Variants in DNAI2 observed in about 807,000 individuals in gnomAD.
The protein encoded by DNAI2 is dynein, axonemal, intermediate polypeptide 2.
DNAI2 carries 63 observed loss-of-function variants against 74.7 expected under a neutral mutation model. The observed-to-expected ratio is 0.84, with a 90% CI of 0.69 to 1.04. The LOEUF (loss-of-function observed/expected upper bound fraction) is 1.04. Among genes scored for constraint, DNAI2 ranks in the 50% least tolerant of loss-of-function variants. The probability of loss-of-function intolerance (pLI) is 0.00; values close to 1 mark genes in which losing one functional copy is unlikely to be tolerated. For missense variants in DNAI2, 688 were observed against 803.2 expected, an observed-to-expected ratio of 0.86 and a Z score of 1.73; for synonymous variants, 289 against 314.9, an observed-to-expected ratio of 0.92 and a Z score of 0.87.
chr17:74,285,152 A>T lies in DNAI2; in HGVS notation c.296A>T (p.Lys99Ile). Reference sequence around the variant, plus strand: ...GAGCAGACCATCCGTTTCCGGAAGAAAGTGGAGAAAGATGAGAACTACGTT... The same window carrying T: ...GAGCAGACCATCCGTTTCCGGAAGATAGTGGAGAAAGATGAGAACTACGTT... ...ELEQTIRFRK[K>I]VEKDENYVNA... Residue 99 changes from lysine (K) to isoleucine (I), a missense_variant, in exon 3 of 14, where the codon AAA becomes ATA. Transcript: ENST00000311014. The T allele has an allele frequency of 1.2e-6, 2 of 1,614,190 alleles. No individual in the cohort carries two copies. Among genetic ancestry groups the T allele is most frequent in the Non-Finnish European group, 1.7e-6 (2 of 1,180,040 alleles).
rs1261802255 is a variant in DNAI2, at chr17:74,299,728, C to T, written c.735C>T (p.Asp245=). ...CTCCTTCCTCACCAGCCTGCTGGGA[C>T]ACCCGAAAGGGCAGCCTGGTGGCGG... ...GCYNGQIACW[D]TRKGSLVAEL... Residue 245 remains aspartate, a synonymous_variant, in exon 7 of 14, where the codon GAC becomes GAT. Coordinates refer to ENST00000311014, the MANE Select transcript of DNAI2 (RefSeq NM_023036.6). 6.2e-7 allele frequency: 1 copy of T among 1,613,578 alleles called. No individual in the cohort carries two copies. The highest frequency in any genetic ancestry group is 1.7e-5 in the Admixed American group (1 of 60,020).
chr17:74,277,048 C>T (rs2051122920), intron 1 of DNAI2, among the ~76,000 whole-genome samples: 1 of 150,346 alleles, frequency 6.7e-6, no homozygotes, highest in Non-Finnish European at 1.5e-5. Flanking sequence ...GCCCTCTAAG[C>T]CATTGCTCCC....
At position 74,285,207 on chromosome 17, in the gene DNAI2, G is replaced by C; in HGVS notation, c.345+6G>C. On this transcript the variant is annotated splice_donor_region_variant and intron_variant, in intron 3 of 13. Transcript: ENST00000311014. Reference sequence around the variant, plus strand: ...CCATCATGCAGCTCGGCTCTGTAAGGCTTCCTCCTGCCCCAGCTGCAAGAG... The same window carrying C: ...CCATCATGCAGCTCGGCTCTGTAAGCCTTCCTCCTGCCCCAGCTGCAAGAG... 6.2e-7 allele frequency: 1 copy of C among 1,613,706 alleles called. No homozygotes were observed. Among genetic ancestry groups the C allele is most frequent in the Non-Finnish European group, 8.5e-7 (1 of 1,179,812 alleles).
chr17:74,286,804 A>T (rs535089669), intron 3 of DNAI2, among the ~76,000 whole-genome samples, 173 bp from the exon 4 acceptor site: 3 of 152,290 alleles, frequency 2.0e-5, no homozygotes, highest in Admixed American at 6.5e-5. Context: ...CCTAAAAAGC[A>T]ATATTATTTT....
At chr17:74,282,893 GT>G (rs1365848234) in intron 2 of DNAI2, among the ~76,000 whole-genome samples, 1 of 152,222 alleles carries the variant, frequency 6.6e-6, no homozygotes, top group Non-Finnish European at 1.5e-5. Flanking sequence ...GTGACTCACA[GT>G]TCAAATGAAT....
rs765777768 is a variant in DNAI2, at chr17:74,314,100, C to T, written c.1723-21C>T. 1.3e-4 allele frequency: 202 copies of T among 1,613,894 alleles called. 12 individuals are homozygous for T. In the South Asian group the frequency reaches 2.2e-3, roughly 17 times the overall value. ...CTGTCCCCTACCAACACCAACACTT[C>T]TGTGCTGTCTTCCCCTGCAGCAGCA... On this transcript the variant is annotated intron_variant, in intron 12 of 13. Coordinates refer to ENST00000311014, the MANE Select transcript of DNAI2 (RefSeq NM_023036.6).
intron 8 of DNAI2, among the ~76,000 whole-genome samples, chr17:74,303,078 T>C (rs12449937): frequency 0.5 from 76,113 of 152,110 alleles, 20,363 homozygotes; most frequent in Non-Finnish European, 0.63. Context: ...ACACTGTGTG[T>C]TGGACACTTG....
At chr17:74,277,403 A>C (rs891421269) in intron 1 of DNAI2, among the ~76,000 whole-genome samples, 6 of 150,754 alleles carry the variant, frequency 4.0e-5, no homozygotes, top group Non-Finnish European at 7.4e-5. Context: ...AAAAAAAAAG[A>C]AAAAAGAAAA....
intron 6 of DNAI2, among the ~76,000 whole-genome samples, chr17:74,298,867 T>C (rs1218489966): frequency 2.0e-5 from 3 of 152,124 alleles, no homozygotes; most frequent in Non-Finnish European, 4.4e-5. Flanking sequence ...CAAGCAATCC[T>C]TTTGCCTCGG....
At chr17:74,288,395 G>T (rs1362989415) in intron 4 of DNAI2, among the ~76,000 whole-genome samples, 1 of 152,214 alleles carries the variant, frequency 6.6e-6, no homozygotes, top group South Asian at 2.1e-4. Context: ...TTTATCAGAT[G>T]TAGCCAACAT....
At chr17:74,305,538 T>C in intron 9 of DNAI2, 96 bp downstream of exon 9, 1 of 1,143,598 alleles carries the variant, frequency 8.7e-7, no homozygotes, top group Non-Finnish European at 1.3e-6. Context: ...CCTCCATATG[T>C]AAAATGGAGA....
intron 1 of DNAI2, among the ~76,000 whole-genome samples, chr17:74,277,276 A>G (rs763679163): frequency 4.1e-4 from 62 of 151,806 alleles, no homozygotes; most frequent in Non-Finnish European, 1.2e-4. Flanking sequence ...AATCCCAGCT[A>G]CGGGAGGCTG....
chr17:74,290,601 C>G (rs2052027712), intron 5 of DNAI2, among the ~76,000 whole-genome samples: 1 of 152,172 alleles, frequency 6.6e-6, no homozygotes, highest in African/African-American at 2.4e-5. Context: ...CCCGACATTC[C>G]AACAGCTCAG....
chr17:74,275,282 TC>T (rs1246788864), intron 1 of DNAI2, among the ~76,000 whole-genome samples: 1 of 152,146 alleles, frequency 6.6e-6, no homozygotes, highest in Non-Finnish European at 1.5e-5. Flanking sequence ...CGTCCTGCCC[TC>T]AACCTTCACT....
At chr17:74,280,450 G>A (rs578025788) in intron 1 of DNAI2, among the ~76,000 whole-genome samples, 18 of 152,306 alleles carry the variant, frequency 1.2e-4, no homozygotes, top group African/African-American at 4.1e-4. Flanking sequence ...CCAGTAGCAC[G>A]CGTCAGAGGC....
Position 74,305,451 on chromosome 17 carries a change from C to G in DNAI2, c.1211+9C>G. 6.2e-7 allele frequency: 1 copy of G among 1,612,814 alleles called. No homozygotes were observed. Among genetic ancestry groups the G allele is most frequent in the Non-Finnish European group, 8.5e-7 (1 of 1,179,206 alleles). ...TCCATCATGTGGACCAAGTAAGAGGCGATGCTGGGGACAGGAGGGGATGCA... is the reference window on the plus strand; with the variant it reads ...TCCATCATGTGGACCAAGTAAGAGGGGATGCTGGGGACAGGAGGGGATGCA... On this transcript the variant is annotated intron_variant, in intron 9 of 13. Coordinates refer to ENST00000311014, the MANE Select transcript of DNAI2 (RefSeq NM_023036.6).
chr17:74,300,838 C>T lies in DNAI2; in HGVS notation c.865-208C>T, dbSNP rs1279713261. Among the ~76,000 whole-genome samples the T allele has an allele frequency of 1.3e-5, 2 of 152,200 alleles. No homozygotes were observed. Among genetic ancestry groups the T allele is most frequent in the South Asian group, 2.1e-4 (1 of 4,830 alleles). On this transcript the variant is annotated intron_variant, in intron 7 of 13. Transcript: ENST00000311014. This position sits in a 1 kb window ranked among gnomAD's most constrained non-coding sequence, Gnocchi z 4.5. ...GCCTCAGCATCTGGGTTGTATGAAGCTTGCCGGCGACTCTGATGATCAGCC... is the reference window on the plus strand; with the variant it reads ...GCCTCAGCATCTGGGTTGTATGAAGTTTGCCGGCGACTCTGATGATCAGCC...
At chr17:74,289,994 C>T (rs1261855499) in intron 5 of DNAI2, among the ~76,000 whole-genome samples, 1 of 152,048 alleles carries the variant, frequency 6.6e-6, no homozygotes, top group Admixed American at 6.6e-5. Context: ...AAGACCTGAC[C>T]CCATGGGATC....
At chr17:74,287,994 T>C (rs2051851815) in intron 4 of DNAI2, among the ~76,000 whole-genome samples, 1 of 150,622 alleles carries the variant, frequency 6.6e-6, no homozygotes, top group Non-Finnish European at 1.5e-5. Context: ...TATGTGCTGA[T>C]ATGGAGTCAT....
Sources: gnomAD v4.1 joint callset for allele counts (sites outside exome capture counted in the v4.1 genomes callset) on GRCh38, gnomAD v4.1.1 for gene constraint, Gnocchi (gnomAD v3.1) non-coding constraint, MANE v1.5 for transcripts, NCBI Gene and HGNC (gene_info 2026-07-23, HGNC 2026-07-21) for gene names.